The following SNTB1 variants were observed in gnomAD, a reference collection of about 807,000 sequenced individuals.
SNTB1 encodes syntrophin beta 1.
SNTB1 carries 36 observed loss-of-function variants against 48.9 expected under a neutral mutation model. The ratio of observed to expected loss-of-function variants is 0.74; its 90% confidence interval spans 0.56 to 0.97. The LOEUF is 0.97. SNTB1 is among the 50% of genes least tolerant of loss of function. The pLI is 0.00. For missense variants in SNTB1, 786 were observed against 703.4 expected, an observed-to-expected ratio of 1.12 and a Z score of -1.33; for synonymous variants, 299 against 294.6, an observed-to-expected ratio of 1.01 and a Z score of -0.15.
At position 120,774,692 on chromosome 8, in the gene SNTB1, T is replaced by G. The variant is rs938296667; in HGVS notation, c.571+36581A>C. ...TTGTTTTGAGATGGGTCTCGCTCTG[T>G]CACCCAGGCTGGAGTACAGTGGCAC... is the stretch of plus-strand genomic sequence containing the variant. On this transcript the variant is annotated intron_variant, in intron 1 of 6. Coordinates refer to ENST00000517992, the MANE Select transcript of SNTB1 (RefSeq NM_021021.4). 6.6e-5 allele frequency among the ~76,000 whole-genome samples: 10 copies of G among 152,170 alleles called. No homozygotes were observed. The East Asian group carries it at 1.9e-3, about 29-fold the overall frequency.
chr8:120,796,568 G>C (rs1281082970), intron 1 of SNTB1, among the ~76,000 whole-genome samples: 1 of 152,018 alleles, frequency 6.6e-6, no homozygotes, highest in African/African-American at 2.4e-5. Context: ...GGTTCCCAGT[G>C]CCTGGGACGT....
chr8:120,808,725 C>T (rs773627437), intron 1 of SNTB1, among the ~76,000 whole-genome samples: 2 of 152,122 alleles, frequency 1.3e-5, no homozygotes, highest in Non-Finnish European at 2.9e-5. Flanking sequence ...GCCTAGAATG[C>T]AGGCATTGAA....
chr8:120,624,051 C>T (rs1482712381), intron 3 of SNTB1, among the ~76,000 whole-genome samples: 1 of 152,150 alleles, frequency 6.6e-6, no homozygotes, highest in East Asian at 1.9e-4. Flanking sequence ...GATGCTCCTG[C>T]CTCAGCCTCT....
intron 3 of SNTB1, among the ~76,000 whole-genome samples, chr8:120,576,855 G>C (rs1318558291): frequency 6.6e-6 from 1 of 152,180 alleles, no homozygotes; most frequent in African/African-American, 2.4e-5. Context: ...TGCAGAATAA[G>C]CATCATGTAA....
intron 1 of SNTB1, among the ~76,000 whole-genome samples, chr8:120,739,793 G>A (rs983055663): frequency 2.6e-5 from 4 of 152,246 alleles, no homozygotes; most frequent in African/African-American, 7.2e-5. Context: ...TGGGCTTGTC[G>A]AGTGCTTTTT....
intron 2 of SNTB1, among the ~76,000 whole-genome samples, chr8:120,671,866 T>C (rs1268840598): frequency 6.6e-6 from 1 of 152,192 alleles, no homozygotes; most frequent in Non-Finnish European, 1.5e-5. Context: ...AAAGATAGAC[T>C]TATTTTTCAC....
chr8:120,771,148 G>C (rs537204217), intron 1 of SNTB1, among the ~76,000 whole-genome samples: 88 of 152,314 alleles, frequency 5.8e-4, no homozygotes, highest in African/African-American at 2.1e-3. Context: ...ACTAGCAGCT[G>C]TGTATCCCCA....
intron 3 of SNTB1, among the ~76,000 whole-genome samples, chr8:120,627,512 T>A (rs929215126): frequency 2.0e-5 from 3 of 152,128 alleles, no homozygotes; most frequent in Non-Finnish European, 4.4e-5. Context: ...CTGATTGACA[T>A]AGTCAAGAAT....
chr8:120,678,138 G>T (rs1188119354), intron 2 of SNTB1, among the ~76,000 whole-genome samples: 1 of 152,088 alleles, frequency 6.6e-6, no homozygotes, highest in Non-Finnish European at 1.5e-5. Flanking sequence ...AAGTGATTTG[G>T]CATTTTAAAT....
chr8:120,739,591 G>A (rs1279156615), intron 1 of SNTB1, among the ~76,000 whole-genome samples: 1 of 152,154 alleles, frequency 6.6e-6, no homozygotes, highest in Non-Finnish European at 1.5e-5. Flanking sequence ...TGGTAGATGG[G>A]AAATATTTGG....
intron 3 of SNTB1, among the ~76,000 whole-genome samples, chr8:120,580,610 T>A (rs757854486): frequency 1.3e-5 from 2 of 152,202 alleles, no homozygotes; most frequent in Non-Finnish European, 2.9e-5. Context: ...CCATCATGGC[T>A]TTTGTATTGC....
intron 1 of SNTB1, among the ~76,000 whole-genome samples, chr8:120,787,475 A>C (rs1819943493): frequency 6.6e-6 from 1 of 152,116 alleles, no homozygotes. Context: ...AACATAAATA[A>C]ATTTCAAAAA....
intron 2 of SNTB1, among the ~76,000 whole-genome samples, chr8:120,648,350 A>G (rs1286728481): frequency 1.3e-5 from 2 of 151,966 alleles, no homozygotes; most frequent in African/African-American, 4.8e-5. Context: ...GAGCTCTTGT[A>G]AGGCAGGCCT....
chr8:120,784,598 TC>T (rs1819890681), intron 1 of SNTB1, among the ~76,000 whole-genome samples: 1 of 152,056 alleles, frequency 6.6e-6, no homozygotes, highest in Non-Finnish European at 1.5e-5. Flanking sequence ...CCCTTCTCTC[TC>T]CAGAATTTGG....
In SNTB1 at chr8:120,637,615, A is replaced by C. The variant is rs1817103917; in HGVS notation, c.789-4964T>G. The C allele has an allele frequency of 1.6e-5, 4 of 251,136 alleles. No individual in the cohort carries two copies. In the South Asian group the frequency reaches 1.6e-4, roughly 10 times the overall value. The allele number at this position is 251,136 out of a possible 1,614,324, so 15.6% of individuals were successfully genotyped here. ...CTGATTCTGTAGTCTGCAGCTCCCA[A>C]GCATAAAACAGCCAGGCTTCTTACT... On this transcript the variant is annotated intron_variant, in intron 2 of 6. Transcript: ENST00000517992.
chr8:120,784,682 C>T (rs895321288), intron 1 of SNTB1, among the ~76,000 whole-genome samples: 1 of 152,150 alleles, frequency 6.6e-6, no homozygotes, highest in Non-Finnish European at 1.5e-5. Flanking sequence ...TTTTTCTTTC[C>T]AAGATGGTGG....
At chr8:120,543,253 T>G (rs1264058927) in intron 5 of SNTB1, among the ~76,000 whole-genome samples, 1 of 152,206 alleles carries the variant, frequency 6.6e-6, no homozygotes, top group African/African-American at 2.4e-5. Flanking sequence ...TGGATTTTTT[T>G]GCTTCACAAA....
intron 3 of SNTB1, among the ~76,000 whole-genome samples, chr8:120,587,241 C>CAAAACAAAAT (rs759271020): frequency 2.0e-5 from 3 of 151,742 alleles, no homozygotes; most frequent in Admixed American, 6.6e-5. Context: ...CAAAACAAAA[C>CAAAACAAAAT]AGACAAACAA....
chr8:120,695,733 C>A (rs1247949151), intron 1 of SNTB1, among the ~76,000 whole-genome samples: 3 of 152,014 alleles, frequency 2.0e-5, no homozygotes, highest in African/African-American at 4.8e-5. Flanking sequence ...TATTGAGGGA[C>A]TCAATCATAT....
Sources: allele counts gnomAD v4.1 joint callset (sites outside exome capture counted in the v4.1 genomes callset), GRCh38; gene constraint gnomAD v4.1.1; transcripts MANE v1.5; gene names NCBI Gene and HGNC (gene_info 2026-07-23, HGNC 2026-07-21).